Variants in UGCG observed in about 807,000 individuals in gnomAD.
UGCG encodes the protein ceramide glucosyltransferase.
A neutral mutation model predicts 49.5 loss-of-function variants in UGCG; 10 were observed. The ratio of observed to expected loss-of-function variants is 0.20; its 90% CI spans 0.12 to 0.34. The LOEUF (loss-of-function observed/expected upper bound fraction) is 0.34, where lower values mean the gene tolerates loss of function less well. Ranked by LOEUF, UGCG falls within the 10% of genes least tolerant of loss-of-function variation. The pLI, the probability that UGCG is intolerant of heterozygous loss-of-function variation, is 1.00. For missense variants in UGCG, 312 were observed against 483.7 expected, an observed-to-expected ratio of 0.65 and a Z score of 3.33; for synonymous variants, 182 against 158.2, an observed-to-expected ratio of 1.15 and a Z score of -1.13.
intron 1 of UGCG, among the ~76,000 whole-genome samples, chr9:111,907,345 A>G (rs1198917217): frequency 1.3e-5 from 2 of 152,208 alleles, no homozygotes; most frequent in East Asian, 1.9e-4. Flanking sequence ...TGCTGTAACG[A>G]TTAGACACTT....
At chr9:111,910,845 A>G (rs1002044644) in intron 1 of UGCG, among the ~76,000 whole-genome samples, 4 of 152,102 alleles carry the variant, frequency 2.6e-5, no homozygotes, top group African/African-American at 7.2e-5. Flanking sequence ...TCCCAGGTTC[A>G]AGGGATTCTC....
chr9:111,928,084 C>T (rs922048284), intron 5 of UGCG, among the ~76,000 whole-genome samples: 3 of 152,128 alleles, frequency 2.0e-5, no homozygotes, highest in Non-Finnish European at 4.4e-5. Context: ...TGTCAACTTG[C>T]TCTTAAGCAT....
Position 111,926,429 on chromosome 9 carries a change from AAGT to A in UGCG, c.494_496del (p.Val165del). On this transcript the variant is annotated inframe_deletion, in exon 5 of 9. Coordinates refer to ENST00000374279, the MANE Select transcript of UGCG (RefSeq NM_003358.3). Reference sequence around the variant, plus strand: ...GACATGGTGAATCAAATGACAGAAAAAGTAGGCTTGGTTCACGGGCTGCCTTAC... The same window carrying A: ...GACATGGTGAATCAAATGACAGAAAAAGGCTTGGTTCACGGGCTGCCTTAC... 6.2e-7 allele frequency: 1 copy of A among 1,611,136 alleles called. No homozygotes were observed. Among genetic ancestry groups the A allele is most frequent in the Middle Eastern group, 1.7e-4 (1 of 6,054 alleles).
At chr9:111,901,798 C>T (rs1188350254) in intron 1 of UGCG, among the ~76,000 whole-genome samples, 1 of 152,204 alleles carries the variant, frequency 6.6e-6, no homozygotes, top group Admixed American at 6.5e-5. Flanking sequence ...GTTAGTTCAG[C>T]ACACCTTCAT....
chr9:111,908,164 TATA>T, intron 1 of UGCG, among the ~76,000 whole-genome samples: 1 of 152,200 alleles, frequency 6.6e-6, no homozygotes. Context: ...GCACACTAGT[TATA>T]ATAACCTCAA....
intron 1 of UGCG, among the ~76,000 whole-genome samples, chr9:111,908,921 GA>G (rs1408289066): frequency 2.6e-5 from 4 of 152,146 alleles, no homozygotes; most frequent in Non-Finnish European, 4.4e-5. Context: ...CTAGGCAATT[GA>G]TCACAGTGCC....
intron 1 of UGCG, among the ~76,000 whole-genome samples, chr9:111,913,556 C>T (rs1346713516): frequency 6.6e-6 from 1 of 151,966 alleles, no homozygotes; most frequent in African/African-American, 2.4e-5. Flanking sequence ...CCTCAGCCTC[C>T]CGAGTAGCTG....
chr9:111,930,586 G>A (rs1162692372), intron 6 of UGCG, among the ~76,000 whole-genome samples: 1 of 151,278 alleles, frequency 6.6e-6, no homozygotes, highest in Non-Finnish European at 1.5e-5. Flanking sequence ...TCCTGCCTCA[G>A]CCTCCCAAGT....
At chr9:111,903,438 G>A (rs998832286) in intron 1 of UGCG, among the ~76,000 whole-genome samples, 5 of 148,644 alleles carry the variant, frequency 3.4e-5, no homozygotes, top group Non-Finnish European at 5.9e-5. Flanking sequence ...GGTGGCAGGC[G>A]CCTGTAATCC....
chr9:111,905,966 T>C (rs1175218259), intron 1 of UGCG, among the ~76,000 whole-genome samples: 1 of 152,226 alleles, frequency 6.6e-6, no homozygotes, highest in East Asian at 1.9e-4. Flanking sequence ...GAGAACATAC[T>C]GTGTATTATT....
At chr9:111,927,819 AC>A (rs1268603754) in intron 5 of UGCG, among the ~76,000 whole-genome samples, 1 of 149,236 alleles carries the variant, frequency 6.7e-6, no homozygotes, top group Admixed American at 6.7e-5. Context: ...TTCCCCCACC[AC>A]CCCCTTCTGG....
chr9:111,914,769 T>G (rs1330569625), intron 2 of UGCG, 23 bp downstream of exon 2: 1 of 606,524 alleles, frequency 1.6e-6, no homozygotes, highest in Admixed American at 6.9e-5. Flanking sequence ...TTACGGTTTT[T>G]TGTTTTGTTT....
intron 1 of UGCG, among the ~76,000 whole-genome samples, chr9:111,913,355 A>G (rs1306244029): frequency 6.6e-6 from 1 of 152,192 alleles, no homozygotes; most frequent in African/African-American, 2.4e-5. Context: ...CTTCCTTTAG[A>G]AACTTCACCA....
chr9:111,923,658 T>G (rs1166306676), intron 3 of UGCG, among the ~76,000 whole-genome samples: 1 of 152,040 alleles, frequency 6.6e-6, no homozygotes, highest in Non-Finnish European at 1.5e-5. Context: ...TGATACGAAT[T>G]TTTTGCTCTT....
intron 2 of UGCG, among the ~76,000 whole-genome samples, chr9:111,917,999 G>A (rs2118552134): frequency 6.6e-6 from 1 of 152,144 alleles, no homozygotes; most frequent in South Asian, 2.1e-4. Flanking sequence ...CAGTGAACCT[G>A]TCATAACTAT....
intron 6 of UGCG, 101 bp downstream of exon 6, chr9:111,929,779 A>T (rs1838388014): frequency 1.4e-5 from 19 of 1,396,754 alleles, no homozygotes; most frequent in East Asian, 2.4e-5. Flanking sequence ...ATTTAATTTT[A>T]TTTTTTTTGC....
intron 1 of UGCG, among the ~76,000 whole-genome samples, chr9:111,912,692 A>G (rs1181415809): frequency 6.6e-6 from 1 of 152,328 alleles, no homozygotes; most frequent in Non-Finnish European, 1.5e-5. Flanking sequence ...AAATTGCTAT[A>G]CAAGTTTCTA....
intron 2 of UGCG, among the ~76,000 whole-genome samples, chr9:111,916,971 C>G (rs1392720012): frequency 2.0e-5 from 3 of 151,186 alleles, no homozygotes; most frequent in African/African-American, 7.3e-5. Flanking sequence ...ACAGTGAGAC[C>G]CCCACCTTCA....
At chr9:111,921,828 T>TTTTA (rs1838227949) in intron 2 of UGCG, among the ~76,000 whole-genome samples, 1 of 134,298 alleles carries the variant, frequency 7.4e-6, no homozygotes, top group African/African-American at 2.9e-5. Flanking sequence ...TTTTTTTTTT[T>TTTTA]GAGGCAGGGT....
Sources: allele counts gnomAD v4.1 joint callset (sites outside exome capture counted in the v4.1 genomes callset), GRCh38; gene constraint gnomAD v4.1.1; transcripts MANE v1.5; gene names NCBI Gene and HGNC (gene_info 2026-07-23, HGNC 2026-07-21).